Variants in PCDHGA2 observed in about 807,000 individuals in gnomAD.
PCDHGA2 encodes the protein protocadherin gamma subfamily A, 2.
A neutral mutation model predicts 59.2 loss-of-function variants in PCDHGA2; 40 were observed. That is an observed-to-expected ratio of 0.68 (90% CI 0.52 to 0.88). The LOEUF is 0.88. Among genes scored for constraint, PCDHGA2 ranks in the 40% least tolerant of loss-of-function variants. The pLI, the probability that PCDHGA2 is intolerant of heterozygous loss-of-function variation, is 0.00. For synonymous variants in PCDHGA2, 560 were observed against 526.0 expected, an observed-to-expected ratio of 1.06 and a Z score of -0.89; for missense variants, 1,226 against 1,204.0, an observed-to-expected ratio of 1.02 and a Z score of -0.27.
chr5:141,401,010 G>A (rs62378449), intron 1 of PCDHGA2, among the ~76,000 whole-genome samples: 17,448 of 152,052 alleles, frequency 0.11, 1,158 homozygotes, highest in African/African-American at 0.18. Context: ...CCTACCTAAT[G>A]GATTTATGAT....
intron 1 of PCDHGA2, chr5:141,360,002 A>G: frequency 8.5e-7 from 1 of 1,173,940 alleles, no homozygotes; most frequent in Non-Finnish European, 1.1e-6. Context: ...TCCTGCACAA[A>G]CCAACCACAC....
intron 1 of PCDHGA2, among the ~76,000 whole-genome samples, chr5:141,359,848 T>C (rs1199292010): frequency 6.6e-6 from 1 of 152,126 alleles, no homozygotes; most frequent in Non-Finnish European, 1.5e-5. Flanking sequence ...ATGAAGACTT[T>C]ATAAATTAAA....
chr5:141,495,465 G>T (rs563411010), intron 2 of PCDHGA2, among the ~76,000 whole-genome samples: 11 of 152,298 alleles, frequency 7.2e-5, no homozygotes, highest in African/African-American at 2.4e-4. Flanking sequence ...TGTCTGTGGG[G>T]TCTCCGTGTC....
chr5:141,383,003 T>G, intron 1 of PCDHGA2: 2 of 1,613,734 alleles, frequency 1.2e-6, no homozygotes, highest in Non-Finnish European at 1.7e-6. Flanking sequence ...CTCTACTCCG[T>G]GTCGGAGGAG....
At chr5:141,424,723 T>A (rs2096836963) in intron 1 of PCDHGA2, 2 of 152,144 alleles carry the variant, frequency 1.3e-5, no homozygotes, top group African/African-American at 4.8e-5. Context: ...TAGTTGGGAG[T>A]CATAGATTCC....
At position 141,356,585 on chromosome 5, in the gene PCDHGA2, C is replaced by T. The variant is rs11575950; in HGVS notation, c.2424+15190C>T. 9 of 1,614,174 alleles carry T rather than the reference C, an allele frequency of 5.6e-6. 1 individual carries two copies. The South Asian group carries it at 9.9e-5, about 18-fold the overall frequency. ...CATGCTTCCTACTCTGCTTACATTC[C>T]TGAAAACAACCCCAGAGGAGCCTCC... is the stretch of plus-strand genomic sequence containing the variant. On this transcript the variant is annotated intron_variant, in intron 1 of 3. Coordinates refer to ENST00000394576, the MANE Select transcript of PCDHGA2 (RefSeq NM_018915.4).
At position 141,431,641 on chromosome 5, in the gene PCDHGA2, A is replaced by G. The variant is rs772686680; in HGVS notation, c.2425-63166A>G. ...ACAAGGCGGCCCAAGTTTTCAAACT[A>G]GATTGTAATTCAGGGACAATATCAA... is the stretch of plus-strand genomic sequence containing the variant. On this transcript the variant is annotated intron_variant, in intron 1 of 3. Coordinates refer to ENST00000394576, the MANE Select transcript of PCDHGA2 (RefSeq NM_018915.4). This position sits in a 1 kb window ranked among gnomAD's most constrained non-coding sequence, Gnocchi z 4.8. The G allele has an allele frequency of 6.2e-7, 1 of 1,614,270 alleles. No individual in the cohort carries two copies. Among genetic ancestry groups the G allele is most frequent in the South Asian group, 1.1e-5 (1 of 91,092 alleles).
chr5:141,423,456 C>T, intron 1 of PCDHGA2: 1 of 1,613,924 alleles, frequency 6.2e-7, no homozygotes, highest in Non-Finnish European at 8.5e-7. Context: ...ATTTTGTAGG[C>T]GTGGACGGGG....
Position 141,493,858 on chromosome 5 carries a change from C to A in PCDHGA2, c.2425-949C>A, listed in dbSNP as rs2099750481. Among the ~76,000 whole-genome samples, 1 of 152,184 alleles carries A rather than the reference C, an allele frequency of 6.6e-6. No homozygotes were observed. The highest frequency in any genetic ancestry group is 1.5e-5 in the Non-Finnish European group (1 of 68,030). On this transcript the variant is annotated intron_variant, in intron 1 of 3. Transcript: ENST00000394576. The surrounding 1 kb of genome is among the most constrained non-coding windows in gnomAD (Gnocchi z 4.3). ...AGTATGAGTATTAATTACCAGCCCA[C>A]CCCAGAACCAGTGAGGAGGTGGCTC...
intron 1 of PCDHGA2, chr5:141,422,451 C>A: frequency 6.2e-7 from 1 of 1,611,518 alleles, no homozygotes; most frequent in East Asian, 2.2e-5. Context: ...TGATAACAAG[C>A]AGAGTGCTGG....
chr5:141,362,452 G>T (rs751763325), intron 1 of PCDHGA2: 1 of 1,614,012 alleles, frequency 6.2e-7, no homozygotes, highest in Non-Finnish European at 8.5e-7. Flanking sequence ...CATAACCCCG[G>T]AATTGGTTCC....
Position 141,493,685 on chromosome 5 carries a change from G to A in PCDHGA2, c.2425-1122G>A, listed in dbSNP as rs139973755. ...CCATGGCAGCCCCAGAATGGTGCTG[G>A]TGACTCCCGATACACCTGGAATGCT... On this transcript the variant is annotated intron_variant, in intron 1 of 3. Transcript: ENST00000394576. The surrounding 1 kb of genome is among the most constrained non-coding windows in gnomAD (Gnocchi z 4.3). 1.1e-3 allele frequency among the ~76,000 whole-genome samples: 165 copies of A among 152,282 alleles called. 3 individuals carry two copies. The highest frequency in any genetic ancestry group is 8.2e-3 in the Admixed American group (125 of 15,298).
chr5:141,400,439 C>T, intron 1 of PCDHGA2: 1 of 1,614,056 alleles, frequency 6.2e-7, no homozygotes. Context: ...CAATTGAGTT[C>T]AGGACAAGAC....
At chr5:141,503,284 G>C (rs899456087) in intron 2 of PCDHGA2, among the ~76,000 whole-genome samples, 2 of 152,044 alleles carry the variant, frequency 1.3e-5, no homozygotes, top group African/African-American at 4.8e-5. Flanking sequence ...TCTGTGTCTG[G>C]TACATAGAAA....
chr5:141,510,959 G>A lies in PCDHGA2; in HGVS notation c.2585G>A (p.Gly862Glu). 6.2e-7 allele frequency: 1 copy of A among 1,614,110 alleles called. No individual in the cohort carries two copies. Among genetic ancestry groups the A allele is most frequent in the Non-Finnish European group, 8.5e-7 (1 of 1,180,012 alleles). Residue 862 changes from glycine to glutamate, a missense_variant, in exon 4 of 4, where the codon GGG becomes GAG. Coordinates refer to ENST00000394576, the MANE Select transcript of PCDHGA2 (RefSeq NM_018915.4). ...TCTGTCTCTGCAGAAGCTGCTGATG[G>A]GAGCTCCACCCTGGGAGGGGGTGCC... ...ILASASEAADGSSTLGGGAGT... is the reference protein window; with the variant it reads ...ILASASEAADESSTLGGGAGT...
intron 1 of PCDHGA2, chr5:141,367,540 A>G (rs965275207): frequency 2.6e-4 from 27 of 102,848 alleles, no homozygotes; most frequent in African/African-American, 1.6e-3. Context: ...CCGTCTCAAA[A>G]TAAATAAATA....
intron 1 of PCDHGA2, chr5:141,388,654 C>T (rs2091438371): frequency 3.1e-6 from 5 of 1,613,846 alleles, no homozygotes; most frequent in Non-Finnish European, 4.2e-6. Flanking sequence ...AACGTGTACC[C>T]GGGGACCACG....
At chr5:141,451,180 T>C (rs1318435826) in intron 1 of PCDHGA2, among the ~76,000 whole-genome samples, 4 of 152,180 alleles carry the variant, frequency 2.6e-5, no homozygotes, top group Non-Finnish European at 4.4e-5. Flanking sequence ...ATTTAGCCAT[T>C]GCTGTGTAAC....
chr5:141,427,912 A>T (rs1268491054), intron 1 of PCDHGA2: 2 of 1,577,806 alleles, frequency 1.3e-6, no homozygotes, highest in Admixed American at 3.3e-5. Flanking sequence ...CTCAGCGCCA[A>T]CATGAGCCGG....
Sources: gnomAD v4.1 joint callset for allele counts (sites outside exome capture counted in the v4.1 genomes callset) on GRCh38, gnomAD v4.1.1 for gene constraint, Gnocchi (gnomAD v3.1) non-coding constraint, MANE v1.5 for transcripts, NCBI Gene and HGNC (gene_info 2026-07-23, HGNC 2026-07-21) for gene names.